Variants in GSDMC observed in about 807,000 individuals in gnomAD.
The protein encoded by GSDMC is gasdermin C.
Under a neutral mutation model 58.0 loss-of-function variants are expected in GSDMC, and 59 were observed. That is an observed-to-expected ratio of 1.02 (90% CI 0.82 to 1.26). The LOEUF (loss-of-function observed/expected upper bound fraction) is 1.26. GSDMC is among the 50% of genes most tolerant of loss of function. GSDMC has a pLI of 0.00. For synonymous variants in GSDMC, 241 were observed against 220.2 expected (o/e 1.09, Z -0.83); for missense variants, 659 against 598.5 (o/e 1.10, Z -1.06).
the GSDMC span, among the ~76,000 whole-genome samples, chr8:129,706,811 A>G: frequency 6.6e-6 from 1 of 152,062 alleles, no homozygotes; most frequent in East Asian, 1.9e-4. Context: ...TATTCTCTCT[A>G]CCTCCTGTAT....
chr8:129,717,242 G>A, the GSDMC span, among the ~76,000 whole-genome samples: 8 of 136,464 alleles, frequency 5.9e-5, no homozygotes, highest in Admixed American at 2.4e-4. Context: ...ACTCCATCTG[G>A]TCCTGGGCTT....
At chr8:129,727,468 G>A in the GSDMC span, among the ~76,000 whole-genome samples, 32 of 152,280 alleles carry the variant, frequency 2.1e-4, no homozygotes, top group Middle Eastern at 3.4e-3. Flanking sequence ...GCCCCAGTAC[G>A]TGAGAGAGAA....
intron 1 of GSDMC, among the ~76,000 whole-genome samples, chr8:129,781,526 C>T (rs112954482): frequency 2.6e-5 from 4 of 152,214 alleles, no homozygotes; most frequent in African/African-American, 7.2e-5. Context: ...GGGCAGATCA[C>T]GAGGTCAGGA....
chr8:129,725,603 G>T, the GSDMC span, among the ~76,000 whole-genome samples: 3 of 152,024 alleles, frequency 2.0e-5, no homozygotes, highest in African/African-American at 7.3e-5. Flanking sequence ...TTTGAGTCTC[G>T]CCACGACCAC....
the GSDMC span, among the ~76,000 whole-genome samples, chr8:129,727,469 T>C: frequency 6.6e-6 from 1 of 152,124 alleles, no homozygotes. Flanking sequence ...CCCCAGTACG[T>C]GAGAGAGAAA....
At chr8:129,781,472 C>T (rs568494022) in intron 1 of GSDMC, among the ~76,000 whole-genome samples, 171 of 152,216 alleles carry the variant, frequency 1.1e-3, no homozygotes, top group Admixed American at 8.5e-4. Flanking sequence ...AGGCGAGACG[C>T]GATGGCTCAC....
intron 3 of GSDMC, among the ~76,000 whole-genome samples, chr8:129,768,649 C>A (rs187797548): frequency 5.3e-5 from 8 of 152,104 alleles, no homozygotes; most frequent in Non-Finnish European, 2.9e-5. Context: ...TTGAAATTAA[C>A]CAGTCAAAGG....
At chr8:129,750,603 G>A in intron 10 of GSDMC, 33 bp from the exon 11 acceptor site, 1 of 1,607,348 alleles carries the variant, frequency 6.2e-7, no homozygotes. Flanking sequence ...ACCAGAAAGT[G>A]GGGACAAGTC....
At chr8:129,724,060 A>G in the GSDMC span, among the ~76,000 whole-genome samples, 1 of 152,228 alleles carries the variant, frequency 6.6e-6, no homozygotes, top group Non-Finnish European at 1.5e-5. Context: ...CTGTATCCTG[A>G]GGCAATCACT....
the GSDMC span, among the ~76,000 whole-genome samples, chr8:129,716,491 G>A: frequency 7.2e-5 from 11 of 152,094 alleles, no homozygotes; most frequent in Non-Finnish European, 1.5e-5. Flanking sequence ...TTGCTGAAGT[G>A]GCTTATCAGC....
rs2033013753 is a variant in GSDMC, at chr8:129,748,236, A to G, written c.*265T>C. 1 of 279,010 alleles carries G rather than the reference A, an allele frequency of 3.6e-6. No individual in the cohort carries two copies. The allele number at this position is 279,010 out of a possible 1,614,324, so 17.3% of individuals were successfully genotyped here. On this transcript the variant is annotated 3_prime_UTR_variant, in exon 14 of 14. Transcript: ENST00000276708. ...TTTTTATTATTTTGAAGTAAAATTT[A>G]TACATAGTGAAACGCTTACGTCTTT... is the stretch of plus-strand genomic sequence containing the variant.
downstream of GSDMC, among the ~76,000 whole-genome samples, chr8:129,747,311 G>A (rs28558572): frequency 0.17 from 26,138 of 151,776 alleles, 2,678 homozygotes; most frequent in Non-Finnish European, 0.23. Flanking sequence ...TGAGGGATAC[G>A]GTTACACTCC....
chr8:129,729,275 G>T, the GSDMC span: 49,461 of 612,480 alleles, frequency 0.081, 3,535 homozygotes, highest in African/African-American at 0.29. Flanking sequence ...TGCCAGTATT[G>T]GGGGTTCAGA....
At chr8:129,777,629 G>T in intron 1 of GSDMC, 38 bp from the exon 2 acceptor site, 1 of 1,052,758 alleles carries the variant, frequency 9.5e-7, no homozygotes, top group Non-Finnish European at 1.5e-6. Context: ...GTTGGGAGAG[G>T]AAGAAAATGG....
At chr8:129,725,387 A>T in the GSDMC span, among the ~76,000 whole-genome samples, 1 of 152,194 alleles carries the variant, frequency 6.6e-6, no homozygotes, top group African/African-American at 2.4e-5. Context: ...CAATTTCCAG[A>T]GTTGATATTG....
the GSDMC span, among the ~76,000 whole-genome samples, chr8:129,742,137 G>A: frequency 6.6e-6 from 1 of 151,784 alleles, no homozygotes; most frequent in Non-Finnish European, 1.5e-5. Context: ...ATACTAGGGC[G>A]GGACTAAGAT....
At chr8:129,735,637 T>G in the GSDMC span, among the ~76,000 whole-genome samples, 1 of 152,146 alleles carries the variant, frequency 6.6e-6, no homozygotes, top group Non-Finnish European at 1.5e-5. Flanking sequence ...TACCAGAATC[T>G]CTGGGACACA....
At chr8:129,752,962 A>G (rs1278430861) in intron 6 of GSDMC, 142 bp from the exon 7 acceptor site, 1 of 1,392,466 alleles carries the variant, frequency 7.2e-7, no homozygotes, top group Non-Finnish European at 9.6e-7. Context: ...CCACTCAAAG[A>G]GGAATTGCCC....
At chr8:129,737,822 T>C in the GSDMC span, among the ~76,000 whole-genome samples, 1 of 152,082 alleles carries the variant, frequency 6.6e-6, no homozygotes, top group Non-Finnish European at 1.5e-5. Flanking sequence ...AGGATCTAAT[T>C]AAACCAAAGA....
Sources: allele counts gnomAD v4.1 joint callset (sites outside exome capture counted in the v4.1 genomes callset), GRCh38; gene constraint gnomAD v4.1.1; transcripts MANE v1.5; gene names NCBI Gene and HGNC (gene_info 2026-07-23, HGNC 2026-07-21).